The following CELF2 variants were observed in gnomAD, a reference collection of about 807,000 sequenced individuals.
CELF2 encodes CUGBP Elav-like family member 2, also known as CUG triplet repeat RNA-binding protein 2.
A neutral mutation model predicts 62.6 loss-of-function variants in CELF2; 8 were observed. The observed-to-expected ratio is 0.13, with a 90% confidence interval of 0.07 to 0.23. CELF2 has a LOEUF of 0.23. CELF2 is among the 10% of genes least tolerant of loss of function. The probability of loss-of-function intolerance (pLI) is 1.00; values close to 1 mark genes in which losing one functional copy is unlikely to be tolerated. For missense variants in CELF2, 333 were observed against 671.0 expected, an observed-to-expected ratio of 0.50 and a Z score of 5.56; for synonymous variants, 258 against 250.0, an observed-to-expected ratio of 1.03 and a Z score of -0.30.
intron 2 of CELF2, among the ~76,000 whole-genome samples, chr10:11,202,931 CTCTCTCTCTCTCTCTCTCTCTG>C (rs1266582082): frequency 2.1e-4 from 19 of 91,702 alleles, no homozygotes; most frequent in African/African-American, 6.7e-4. Flanking sequence ...CTCTCTCTCT[CTCTCTCTCTCTCTCTCTCTCTG>C]TGTGTGTGTG....
the CELF2 span, among the ~76,000 whole-genome samples, chr10:10,465,678 A>G: frequency 1.3e-5 from 2 of 152,120 alleles, no homozygotes; most frequent in Admixed American, 1.3e-4. Flanking sequence ...TTAGTCCTCT[A>G]TCCTCCTCAT....
chr10:10,537,778 C>T, the CELF2 span, among the ~76,000 whole-genome samples: 1 of 152,156 alleles, frequency 6.6e-6, no homozygotes, highest in African/African-American at 2.4e-5. Flanking sequence ...ATCCCAACCC[C>T]CATGAACAAC....
chr10:10,644,190 G>T, the CELF2 span, among the ~76,000 whole-genome samples: 2 of 152,206 alleles, frequency 1.3e-5, no homozygotes, highest in African/African-American at 4.8e-5. Context: ...TGTACTGCCT[G>T]ACACTGGTGA....
intron 8 of CELF2, among the ~76,000 whole-genome samples, chr10:11,277,697 T>A (rs1021287920): frequency 1.3e-5 from 2 of 152,172 alleles, no homozygotes; most frequent in Non-Finnish European, 2.9e-5. Context: ...ACAAATGAGT[T>A]GTTGAGGATT....
chr10:10,606,631 T>C, the CELF2 span, among the ~76,000 whole-genome samples: 42,896 of 152,054 alleles, frequency 0.28, 6,413 homozygotes, highest in South Asian at 0.5. Flanking sequence ...AACTTGGTTC[T>C]TTGTAACATG....
intron 1 of CELF2, among the ~76,000 whole-genome samples, chr10:10,876,313 G>A (rs947427032): frequency 6.6e-6 from 1 of 152,118 alleles, no homozygotes; most frequent in Non-Finnish European, 1.5e-5. Flanking sequence ...CTCCCATTGT[G>A]CTATGCTGTG....
At chr10:10,548,858 C>G in the CELF2 span, among the ~76,000 whole-genome samples, 1 of 152,072 alleles carries the variant, frequency 6.6e-6, no homozygotes, top group South Asian at 2.1e-4. Context: ...TGGCTAGCTC[C>G]TCTTGACCAA....
intron 8 of CELF2, among the ~76,000 whole-genome samples, chr10:11,283,626 G>C (rs2089798432): frequency 6.6e-6 from 1 of 151,628 alleles, no homozygotes; most frequent in Non-Finnish European, 1.5e-5. Context: ...ATGGATGGGT[G>C]GGTGGGTGGA....
chr10:11,148,501 T>C (rs1169073600), intron 1 of CELF2, among the ~76,000 whole-genome samples: 3 of 152,198 alleles, frequency 2.0e-5, no homozygotes, highest in Admixed American at 6.5e-5. Flanking sequence ...TAGAGACATA[T>C]ATGAATTTTA....
At chr10:11,199,816 G>A (rs1393691764) in intron 2 of CELF2, among the ~76,000 whole-genome samples, 1 of 152,198 alleles carries the variant, frequency 6.6e-6, no homozygotes, top group East Asian at 1.9e-4. Context: ...GCCTAGAACA[G>A]GGATGTGATG....
At position 11,245,834 on chromosome 10, in the gene CELF2, C is replaced by T. The variant is rs372060391; in HGVS notation, c.355-3319C>T. ...GCCCTCTTCAGTGAGTGAAGCATGCCGTTCTTAACCGAAGGCTCATATGGC... is the reference window on the plus strand; with the variant it reads ...GCCCTCTTCAGTGAGTGAAGCATGCTGTTCTTAACCGAAGGCTCATATGGC... On this transcript the variant is annotated intron_variant, in intron 3 of 12. Transcript: ENST00000633077. Among the ~76,000 whole-genome samples, 17 of 152,252 alleles carry T rather than the reference C, an allele frequency of 1.1e-4. No individual in the cohort carries two copies. In the East Asian group the frequency reaches 2.1e-3, roughly 19 times the overall value.
At chr10:10,941,059 A>G (rs573022983) in intron 2 of CELF2, among the ~76,000 whole-genome samples, 3 of 152,308 alleles carry the variant, frequency 2.0e-5, no homozygotes, top group Non-Finnish European at 2.9e-5. Context: ...TAGCGAAACA[A>G]CACCAGAGGA....
At chr10:10,967,930 A>G (rs1048438941) in intron 2 of CELF2, among the ~76,000 whole-genome samples, 26 of 152,008 alleles carry the variant, frequency 1.7e-4, no homozygotes, top group Non-Finnish European at 4.4e-5. Flanking sequence ...ACACACACAC[A>G]CACACACACC....
In CELF2 at chr10:10,822,162, C is replaced by G. The variant is rs145660279; in HGVS notation, c.53+23345C>G. 4.9e-3 allele frequency among the ~76,000 whole-genome samples: 750 copies of G among 152,314 alleles called. 6 individuals carry two copies. The highest frequency in any genetic ancestry group is 0.017 in the African/African-American group (692 of 41,564). ...AGAGCCTGTGTTTCCTCTGCAGCTGCGATGCAATATGCTCTGGACTGGATG... is the reference window on the plus strand; with the variant it reads ...AGAGCCTGTGTTTCCTCTGCAGCTGGGATGCAATATGCTCTGGACTGGATG... On this transcript the variant is annotated intron_variant, in intron 1 of 13. Transcript: ENST00000636488.
intron 1 of CELF2, among the ~76,000 whole-genome samples, chr10:11,148,710 A>T (rs1294564429): frequency 3.3e-5 from 5 of 152,160 alleles, no homozygotes; most frequent in Non-Finnish European, 7.4e-5. Flanking sequence ...GTGGTTCCAT[A>T]ATTTATTTCA....
chr10:11,332,996 T>TAA lies in CELF2; in HGVS notation c.*3944_*3945dup, dbSNP rs1354823402. 1.3e-5 allele frequency: 2 copies of TAA among 152,636 alleles called. No individual in the cohort carries two copies. The highest frequency in any genetic ancestry group is 2.9e-5 in the Non-Finnish European group (2 of 68,050). The allele number at this position is 152,636 out of a possible 1,614,324, so 9.5% of individuals were successfully genotyped here. On this transcript the variant is annotated 3_prime_UTR_variant, in exon 13 of 13. Coordinates refer to ENST00000633077, the MANE Select transcript of CELF2 (RefSeq NM_001326342.2). ...CACAAGAGCCCACCACTTGAATTTC[T>TAA]AAGACCATTTCATTCTGAAACTTCT...
intron 1 of CELF2, among the ~76,000 whole-genome samples, chr10:11,146,899 T>C (rs1160598011): frequency 6.6e-6 from 1 of 152,226 alleles, no homozygotes; most frequent in Non-Finnish European, 1.5e-5. Flanking sequence ...GCCTGTAGCC[T>C]TGGTGTGTGA....
At chr10:10,587,470 A>G in the CELF2 span, among the ~76,000 whole-genome samples, 2 of 152,216 alleles carry the variant, frequency 1.3e-5, no homozygotes, top group African/African-American at 4.8e-5. Context: ...CTACACAATT[A>G]AAGTGTTCAG....
At chr10:10,470,239 C>T in the CELF2 span, among the ~76,000 whole-genome samples, 6 of 151,742 alleles carry the variant, frequency 4.0e-5, no homozygotes, top group African/African-American at 9.7e-5. Flanking sequence ...GTATCTCTAC[C>T]GTCATCCTTA....
Sources: allele counts gnomAD v4.1 joint callset (sites outside exome capture counted in the v4.1 genomes callset), GRCh38; gene constraint gnomAD v4.1.1; transcripts MANE v1.5; gene names NCBI Gene and HGNC (gene_info 2026-07-23, HGNC 2026-07-21).